USH2A: variants seen among roughly 807,000 people sequenced by gnomAD.
USH2A encodes the protein usherin.
A neutral mutation model predicts 538.9 loss-of-function variants in USH2A; 443 were observed. The ratio of observed to expected loss-of-function variants is 0.82; its 90% CI spans 0.76 to 0.89. The LOEUF (loss-of-function observed/expected upper bound fraction) is 0.89. USH2A is among the 40% of genes least tolerant of loss of function. USH2A has a pLI of 0.00. For missense variants in USH2A, 6,633 were observed against 6,324.8 expected, an observed-to-expected ratio of 1.05 and a Z score of -1.65; for synonymous variants, 2,413 against 2,273.5, an observed-to-expected ratio of 1.06 and a Z score of -1.75.
chr1:215,641,416 T>A (rs1656681716), intron 67 of USH2A, among the ~76,000 whole-genome samples: 1 of 152,224 alleles, frequency 6.6e-6, no homozygotes, highest in African/African-American at 2.4e-5. Context: ...GTGTCCTAAG[T>A]ATTATATCAC....
At chr1:216,339,279 T>C (rs932811490) in intron 4 of USH2A, among the ~76,000 whole-genome samples, 2 of 151,576 alleles carry the variant, frequency 1.3e-5, no homozygotes, top group African/African-American at 4.8e-5. Flanking sequence ...TATGTGCATA[T>C]ATATATATGA....
intron 70 of USH2A, among the ~76,000 whole-genome samples, chr1:215,630,482 G>GTGTATGTA (rs1293184920): frequency 4.4e-5 from 1 of 22,552 alleles, no homozygotes; most frequent in African/African-American, 9.9e-5. Flanking sequence ...ATGTGTGTGT[G>GTGTATGTA]TATATATATA....
intron 32 of USH2A, among the ~76,000 whole-genome samples, chr1:216,003,830 C>G (rs969136031): frequency 6.6e-6 from 1 of 152,142 alleles, no homozygotes; most frequent in Admixed American, 6.5e-5. Context: ...TCATGAGTAT[C>G]ATCCTGGCTG....
chr1:216,133,044 G>T (rs987880834), intron 21 of USH2A, among the ~76,000 whole-genome samples: 4 of 152,034 alleles, frequency 2.6e-5, no homozygotes, highest in African/African-American at 9.7e-5. Flanking sequence ...TAAGTGCAAT[G>T]GTGGGGTTGG....
Position 215,773,512 on chromosome 1 carries a change from G to GTC in USH2A, c.10939+6329_10939+6330dup, listed in dbSNP as rs939463487. ...TCTCTGTCTCTCTCTCTCTCTCTCTGTCTCTCTCTCTCTCTCTCTCTGTCT... is the reference window on the plus strand; with the variant it reads ...TCTCTGTCTCTCTCTCTCTCTCTCTGTCTCTCTCTCTCTCTCTCTCTCTGTCT... On this transcript the variant is annotated intron_variant, in intron 55 of 71. Coordinates refer to ENST00000307340, the MANE Select transcript of USH2A (RefSeq NM_206933.4). 1.4e-3 allele frequency among the ~76,000 whole-genome samples: 129 copies of GTC among 94,928 alleles called. 1 individual carries two copies. Among genetic ancestry groups the GTC allele is most frequent in the African/African-American group, 3.0e-3 (67 of 22,182 alleles). The allele number at this position is 94,928 out of a possible 152,430, so 62.3% of individuals were successfully genotyped here. A position where few individuals can be genotyped will look rare whatever the true frequency, so the allele number is the denominator to read the frequency against.
At chr1:215,710,177 T>C in intron 61 of USH2A, among the ~76,000 whole-genome samples, 1 of 152,196 alleles carries the variant, frequency 6.6e-6, no homozygotes, top group Admixed American at 6.6e-5. Context: ...TCATTCACTG[T>C]GGGTGACTAG....
At chr1:215,964,922 G>A (rs765080275) in intron 37 of USH2A, among the ~76,000 whole-genome samples, 6 of 152,132 alleles carry the variant, frequency 3.9e-5, no homozygotes, top group Non-Finnish European at 8.8e-5. Flanking sequence ...CAAAATTATA[G>A]TTCAACTCTT....
At chr1:215,723,913 C>T (rs1437662023) in intron 61 of USH2A, among the ~76,000 whole-genome samples, 1 of 152,068 alleles carries the variant, frequency 6.6e-6, no homozygotes, top group Non-Finnish European at 1.5e-5. Context: ...ACCGTTCAAT[C>T]CAGCAGTCTC....
intron 2 of USH2A, among the ~76,000 whole-genome samples, chr1:216,418,928 A>C (rs2039627023): frequency 6.6e-6 from 1 of 152,124 alleles, no homozygotes; most frequent in African/African-American, 2.4e-5. Flanking sequence ...CCTTCATTAG[A>C]GATTCATGAT....
chr1:216,068,352 TAAAA>T (rs1163434867), intron 30 of USH2A, among the ~76,000 whole-genome samples: 1 of 152,108 alleles, frequency 6.6e-6, no homozygotes. Flanking sequence ...CAATGGGAGA[TAAAA>T]GAGTTTGAAT....
chr1:215,692,281 A>C (rs1206915638), intron 61 of USH2A, among the ~76,000 whole-genome samples: 2 of 152,098 alleles, frequency 1.3e-5, no homozygotes, highest in Non-Finnish European at 2.9e-5. Context: ...TCTTTTGAGA[A>C]GTTTGGCTGT....
chr1:215,933,257 T>C (rs531563488), intron 38 of USH2A, among the ~76,000 whole-genome samples: 1 of 152,076 alleles, frequency 6.6e-6, no homozygotes, highest in South Asian at 2.1e-4. Flanking sequence ...CTATCCTTCC[T>C]AGCATGTGTA....
At chr1:215,805,571 G>A (rs549622244) in intron 49 of USH2A, among the ~76,000 whole-genome samples, 2 of 152,126 alleles carry the variant, frequency 1.3e-5, no homozygotes, top group East Asian at 3.9e-4. Context: ...TTAAAAAATG[G>A]TTAAAATGAT....
At chr1:215,887,398 G>A (rs1371820666) in intron 41 of USH2A, among the ~76,000 whole-genome samples, 1 of 151,610 alleles carries the variant, frequency 6.6e-6, no homozygotes, top group Non-Finnish European at 1.5e-5. Flanking sequence ...TTTGTTTTTG[G>A]TTTTGTTTTT....
chr1:215,815,224 T>G (rs1237224130), intron 48 of USH2A, among the ~76,000 whole-genome samples: 1 of 152,150 alleles, frequency 6.6e-6, no homozygotes, highest in Non-Finnish European at 1.5e-5. Flanking sequence ...TAAGGCATCA[T>G]TAAATAGTGT....
intron 11 of USH2A, among the ~76,000 whole-genome samples, chr1:216,281,002 T>A (rs1271772133): frequency 2.6e-5 from 4 of 152,240 alleles, no homozygotes; most frequent in East Asian, 3.8e-4. Context: ...TGTTGACAAC[T>A]TTTTAAGTGT....
intron 63 of USH2A, among the ~76,000 whole-genome samples, chr1:215,673,653 G>A (rs1657896413): frequency 6.6e-6 from 1 of 152,144 alleles, no homozygotes; most frequent in Non-Finnish European, 1.5e-5. Context: ...GGCTCTTCAC[G>A]AAACAAATTT....
intron 49 of USH2A, among the ~76,000 whole-genome samples, chr1:215,812,370 T>C (rs1032543726): frequency 2.0e-5 from 3 of 152,166 alleles, no homozygotes; most frequent in Non-Finnish European, 2.9e-5. Context: ...TATTAAGCTC[T>C]TTCTCTGTTG....
intron 27 of USH2A, among the ~76,000 whole-genome samples, chr1:216,077,125 C>T (rs1041950197): frequency 2.0e-5 from 3 of 152,104 alleles, no homozygotes; most frequent in African/African-American, 4.8e-5. Flanking sequence ...ATGCCTAACA[C>T]ACTTGTTATG....
Sources: gnomAD v4.1 joint callset for allele counts (sites outside exome capture counted in the v4.1 genomes callset) on GRCh38, gnomAD v4.1.1 for gene constraint, MANE v1.5 for transcripts, NCBI Gene and HGNC (gene_info 2026-07-23, HGNC 2026-07-21) for gene names.